PRKCH: variants seen among roughly 807,000 people sequenced by gnomAD.
PRKCH encodes the protein protein kinase C eta type.
PRKCH carries 28 observed loss-of-function variants against 82.5 expected under a neutral mutation model. The ratio of observed to expected loss-of-function variants is 0.34; its 90% CI spans 0.25 to 0.47. The LOEUF (loss-of-function observed/expected upper bound fraction) is 0.47. PRKCH is among the 20% of genes least tolerant of loss of function. PRKCH has a pLI of 1.00. For synonymous variants in PRKCH, 322 were observed against 327.4 expected (o/e 0.98, Z 0.18); for missense variants, 705 against 881.8 (o/e 0.80, Z 2.54).
At chr14:61,342,421 C>A (rs146445107) in intron 1 of PRKCH, among the ~76,000 whole-genome samples, 45 of 152,216 alleles carry the variant, frequency 3.0e-4, no homozygotes, top group Non-Finnish European at 4.3e-4. Context: ...TAGAATATGT[C>A]ATCTCTGTAG....
intron 1 of PRKCH, among the ~76,000 whole-genome samples, chr14:61,294,790 C>T (rs549415909): frequency 1.5e-4 from 22 of 151,576 alleles, no homozygotes; most frequent in African/African-American, 4.6e-4. Context: ...ATGCACCCCC[C>T]GCAAAAAAAA....
At chr14:61,438,568 A>G (rs924861707) in intron 2 of PRKCH, among the ~76,000 whole-genome samples, 2 of 152,246 alleles carry the variant, frequency 1.3e-5, no homozygotes, top group African/African-American at 2.4e-5. Context: ...CAGATAGAAC[A>G]AAAGACCAAA....
At chr14:61,548,717 G>T (rs2043290527) in intron 13 of PRKCH, among the ~76,000 whole-genome samples, 1 of 141,598 alleles carries the variant, frequency 7.1e-6, no homozygotes, top group Non-Finnish European at 1.5e-5. Flanking sequence ...AAAAAAAAAA[G>T]CCTGGTGTGG....
chr14:61,548,214 C>A (rs1466652802), intron 13 of PRKCH, among the ~76,000 whole-genome samples: 1 of 152,242 alleles, frequency 6.6e-6, no homozygotes, highest in Non-Finnish European at 1.5e-5. Flanking sequence ...TTGAGAAAGT[C>A]ATTGTTCTGG....
At chr14:61,448,190 T>A (rs1884317863) in intron 4 of PRKCH, among the ~76,000 whole-genome samples, 2 of 152,364 alleles carry the variant, frequency 1.3e-5, no homozygotes, top group South Asian at 4.1e-4. Flanking sequence ...AAAGCTAGAT[T>A]TGTTTTAAGG....
intron 1 of PRKCH, among the ~76,000 whole-genome samples, chr14:61,244,763 C>A (rs765433694): frequency 6.6e-6 from 1 of 152,144 alleles, no homozygotes; most frequent in Admixed American, 6.5e-5. Context: ...TTTAGTCCGC[C>A]CTCAACTGGT....
chr14:61,373,985 A>G (rs1427849405), intron 1 of PRKCH, among the ~76,000 whole-genome samples: 1 of 152,088 alleles, frequency 6.6e-6, no homozygotes, highest in African/African-American at 2.4e-5. Flanking sequence ...AGTCCCTTCC[A>G]CCTATGAGCC....
intron 1 of PRKCH, among the ~76,000 whole-genome samples, chr14:61,312,041 G>T (rs2045529146): frequency 6.6e-6 from 1 of 152,268 alleles, no homozygotes; most frequent in Non-Finnish European, 1.5e-5. Flanking sequence ...GACATGTGGG[G>T]ATTACAGGTC....
chr14:61,256,573 C>T (rs189587474), intron 1 of PRKCH, among the ~76,000 whole-genome samples: 2 of 152,222 alleles, frequency 1.3e-5, no homozygotes, highest in South Asian at 2.1e-4. Flanking sequence ...AAACTCGCCC[C>T]GCATCAAGAA....
intron 2 of PRKCH, among the ~76,000 whole-genome samples, chr14:61,392,238 T>G (rs1319719140): frequency 6.6e-6 from 1 of 152,196 alleles, no homozygotes; most frequent in Non-Finnish European, 1.5e-5. Context: ...ACATAAATTT[T>G]TCTGGACATA....
At chr14:61,232,004 G>A (rs959413440) in intron 1 of PRKCH, among the ~76,000 whole-genome samples, 3 of 152,128 alleles carry the variant, frequency 2.0e-5, no homozygotes, top group African/African-American at 4.8e-5. Context: ...TGGACACAGC[G>A]TCAGATCCCA....
At chr14:61,275,965 C>T (rs2045197931) in intron 1 of PRKCH, among the ~76,000 whole-genome samples, 2 of 152,132 alleles carry the variant, frequency 1.3e-5, no homozygotes, top group South Asian at 2.1e-4. Context: ...GCAGTGGGGA[C>T]GCATTTTTTC....
intron 1 of PRKCH, among the ~76,000 whole-genome samples, chr14:61,346,401 T>C (rs2045992562): frequency 6.6e-6 from 1 of 152,256 alleles, no homozygotes; most frequent in Non-Finnish European, 1.5e-5. Flanking sequence ...TGCTGCATCA[T>C]GTTGTACGTT....
rs553869707 is a variant in PRKCH, at chr14:61,413,275, T to C, written c.427+21987T>C. ...ATGCTGCATTTGGTTCTGTTTCATGTTCTCCCTTTGGGCACCTCAAACGAC... is the reference window on the plus strand; with the variant it reads ...ATGCTGCATTTGGTTCTGTTTCATGCTCTCCCTTTGGGCACCTCAAACGAC... On this transcript the variant is annotated intron_variant, in intron 2 of 13. Coordinates refer to ENST00000332981, the MANE Select transcript of PRKCH (RefSeq NM_006255.5). 5.9e-5 allele frequency among the ~76,000 whole-genome samples: 9 copies of C among 152,206 alleles called. No individual in the cohort carries two copies. The South Asian group carries it at 1.9e-3, about 32-fold the overall frequency.
At chr14:61,523,613 C>T (rs2042931663) in intron 10 of PRKCH, among the ~76,000 whole-genome samples, 1 of 152,174 alleles carries the variant, frequency 6.6e-6, no homozygotes, top group Non-Finnish European at 1.5e-5. Context: ...ATTTGATGAA[C>T]ATTCAGTATA....
At chr14:61,502,092 A>G (rs1474710997) in intron 10 of PRKCH, among the ~76,000 whole-genome samples, 6 of 110,814 alleles carry the variant, frequency 5.4e-5, no homozygotes, top group South Asian at 5.9e-4. Context: ...TCCGAGATGG[A>G]GTCTCACTCT....
At chr14:61,373,123 G>A (rs573047100) in intron 1 of PRKCH, among the ~76,000 whole-genome samples, 1 of 152,034 alleles carries the variant, frequency 6.6e-6, no homozygotes, top group Admixed American at 6.5e-5. Flanking sequence ...TTGTAGCTGT[G>A]GCTGTGAATC....
intron 1 of PRKCH, chr14:61,361,050 G>C (rs1346000562): frequency 6.6e-6 from 1 of 152,240 alleles, no homozygotes; most frequent in Non-Finnish European, 1.5e-5. Flanking sequence ...TCCCACCTGG[G>C]TGGCTTCGGG....
At chr14:61,370,433 C>T (rs907521218) in intron 1 of PRKCH, among the ~76,000 whole-genome samples, 2 of 151,938 alleles carry the variant, frequency 1.3e-5, no homozygotes, top group Non-Finnish European at 2.9e-5. Context: ...GGGGGTGGGG[C>T]CTGCATTTGT....
Sources: allele counts gnomAD v4.1 joint callset (sites outside exome capture counted in the v4.1 genomes callset), GRCh38; gene constraint gnomAD v4.1.1; transcripts MANE v1.5; gene names NCBI Gene and HGNC (gene_info 2026-07-23, HGNC 2026-07-21).